The following MACROD2 variants were observed in gnomAD, a reference collection of about 807,000 sequenced individuals.
MACROD2 encodes ADP-ribose glycohydrolase MACROD2.
In MACROD2, 36 loss-of-function variants were observed where a neutral mutation model predicts 70.4. That is an observed-to-expected ratio of 0.51 (90% CI 0.39 to 0.68). The LOEUF (loss-of-function observed/expected upper bound fraction) is 0.68. Ranked by LOEUF, MACROD2 falls within the 30% of genes least tolerant of loss-of-function variation. The pLI is 0.00. For missense variants in MACROD2, 496 were observed against 538.4 expected (o/e 0.92, Z 0.78); for synonymous variants, 172 against 178.8 (o/e 0.96, Z 0.30).
At chr20:14,270,165 T>TTA (rs1319451243) in intron 3 of MACROD2, among the ~76,000 whole-genome samples, 1 of 151,712 alleles carries the variant, frequency 6.6e-6, no homozygotes, top group African/African-American at 2.4e-5. Flanking sequence ...GTATATATAT[T>TTA]AATTTCTCTC....
At chr20:15,273,289 C>G (rs1243601331) in intron 6 of MACROD2, among the ~76,000 whole-genome samples, 1 of 152,122 alleles carries the variant, frequency 6.6e-6, no homozygotes, top group Non-Finnish European at 1.5e-5. Flanking sequence ...CTGGATACTT[C>G]CTGCCCTCAA....
At chr20:15,119,270 T>C (rs1028316729) in intron 5 of MACROD2, among the ~76,000 whole-genome samples, 1 of 152,218 alleles carries the variant, frequency 6.6e-6, no homozygotes, top group Non-Finnish European at 1.5e-5. Flanking sequence ...CTTTATGTTG[T>C]ATCTTTTCCT....
intron 3 of MACROD2, among the ~76,000 whole-genome samples, chr20:14,183,581 C>T (rs1304581693): frequency 1.3e-5 from 2 of 151,982 alleles, no homozygotes; most frequent in East Asian, 3.9e-4. Flanking sequence ...GTAGTTCTGT[C>T]TTTAGGTCTT....
At chr20:14,275,222 T>G (rs886932061) in intron 3 of MACROD2, among the ~76,000 whole-genome samples, 1 of 152,168 alleles carries the variant, frequency 6.6e-6, no homozygotes, top group Non-Finnish European at 1.5e-5. Flanking sequence ...GCTACCTGAC[T>G]TCAAACTATA....
intron 5 of MACROD2, among the ~76,000 whole-genome samples, chr20:15,071,250 T>C (rs962665074): frequency 6.6e-6 from 1 of 152,210 alleles, no homozygotes; most frequent in Non-Finnish European, 1.5e-5. Context: ...TTAAAGCAAG[T>C]TGGAATTCAA....
At chr20:15,580,835 T>C (rs1230013768) in intron 8 of MACROD2, among the ~76,000 whole-genome samples, 1 of 152,094 alleles carries the variant, frequency 6.6e-6, no homozygotes. Flanking sequence ...TTAGATGATT[T>C]GGGGGATTAG....
At chr20:15,353,321 T>C (rs2078248930) in intron 6 of MACROD2, among the ~76,000 whole-genome samples, 1 of 152,184 alleles carries the variant, frequency 6.6e-6, no homozygotes, top group South Asian at 2.1e-4. Context: ...TGAAACTGGA[T>C]CCCTTCCTTA....
chr20:14,483,564 G>A (rs1372788716), intron 3 of MACROD2, among the ~76,000 whole-genome samples: 3 of 151,936 alleles, frequency 2.0e-5, no homozygotes, highest in Admixed American at 6.6e-5. Flanking sequence ...GTGCCGCCAC[G>A]CCTGGCTTAT....
intron 6 of MACROD2, among the ~76,000 whole-genome samples, chr20:15,311,376 C>T (rs1401606594): frequency 6.6e-6 from 1 of 152,142 alleles, no homozygotes; most frequent in Admixed American, 6.5e-5. Context: ...GAATTGCATG[C>T]TGGTATTCAA....
At chr20:15,821,839 A>G (rs930582941) in intron 8 of MACROD2, among the ~76,000 whole-genome samples, 1 of 152,144 alleles carries the variant, frequency 6.6e-6, no homozygotes, top group African/African-American at 2.4e-5. Context: ...TTGGGATCCA[A>G]GGGGGTCTTA....
At chr20:14,010,194 CAT>C (rs1490495339) in intron 2 of MACROD2, among the ~76,000 whole-genome samples, 1 of 152,020 alleles carries the variant, frequency 6.6e-6, no homozygotes, top group African/African-American at 2.4e-5. Flanking sequence ...TATTTTTATA[CAT>C]GTTTATCTGT....
chr20:15,097,764 T>G (rs1466836380), intron 5 of MACROD2, among the ~76,000 whole-genome samples: 1 of 152,160 alleles, frequency 6.6e-6, no homozygotes, highest in Non-Finnish European at 1.5e-5. Flanking sequence ...CATGGAAAGT[T>G]AGGGCAAGGC....
At chr20:15,929,517 G>T (rs1316827654) in intron 10 of MACROD2, among the ~76,000 whole-genome samples, 2 of 152,086 alleles carry the variant, frequency 1.3e-5, no homozygotes. Context: ...CAAAGCACTG[G>T]TTTTGAATTG....
intron 8 of MACROD2, among the ~76,000 whole-genome samples, chr20:15,857,547 C>T (rs910778986): frequency 6.6e-6 from 1 of 152,202 alleles, no homozygotes; most frequent in African/African-American, 2.4e-5. Flanking sequence ...CCAGCTGCTA[C>T]TCCACACCCA....
rs551577640 is a variant in MACROD2, at chr20:15,490,688, C to G, written c.572-9086C>G. 1.5e-4 allele frequency among the ~76,000 whole-genome samples: 23 copies of G among 152,258 alleles called. No homozygotes were observed. The South Asian group carries it at 4.6e-3, about 30-fold the overall frequency. On this transcript the variant is annotated intron_variant, in intron 7 of 17. Coordinates refer to ENST00000684519, the MANE Select transcript of MACROD2 (RefSeq NM_001351661.2). ...AAAAGTTTGAGAGAGAAAGTGGGAC[C>G]AGGGAGCCATCACGAGTGGGGAGGC...
chr20:15,151,507 C>T (rs1219306146), intron 5 of MACROD2, among the ~76,000 whole-genome samples: 2 of 151,904 alleles, frequency 1.3e-5, no homozygotes, highest in Non-Finnish European at 2.9e-5. Flanking sequence ...GGTTTGAGGG[C>T]CGGAATTTAA....
At chr20:15,798,811 G>A (rs1166298727) in intron 8 of MACROD2, among the ~76,000 whole-genome samples, 1 of 152,144 alleles carries the variant, frequency 6.6e-6, no homozygotes, top group Non-Finnish European at 1.5e-5. Flanking sequence ...TGATATGGGA[G>A]GATTTCTGGG....
chr20:15,049,676 G>A (rs769377466), intron 5 of MACROD2, among the ~76,000 whole-genome samples: 2 of 152,090 alleles, frequency 1.3e-5, no homozygotes, highest in Non-Finnish European at 2.9e-5. Context: ...GACCGGGTGC[G>A]TTGGCTCATG....
In MACROD2 at chr20:15,043,269, T is replaced by G. The variant is rs538576303; in HGVS notation, c.419-186671T>G. 1.1e-4 allele frequency among the ~76,000 whole-genome samples: 17 copies of G among 152,362 alleles called. No homozygotes were observed. In the South Asian group the frequency reaches 3.5e-3, roughly 32 times the overall value. On this transcript the variant is annotated intron_variant, in intron 5 of 17. Coordinates refer to ENST00000684519, the MANE Select transcript of MACROD2 (RefSeq NM_001351661.2). Reference sequence around the variant, plus strand: ...TTATTTGAATAATGTAGTTTTCAGATTTCTCTTGAAAAATGGGAAATACTG... The same window carrying G: ...TTATTTGAATAATGTAGTTTTCAGAGTTCTCTTGAAAAATGGGAAATACTG...
Sources: gnomAD v4.1 joint callset for allele counts (sites outside exome capture counted in the v4.1 genomes callset) on GRCh38, gnomAD v4.1.1 for gene constraint, MANE v1.5 for transcripts, NCBI Gene and HGNC (gene_info 2026-07-23, HGNC 2026-07-21) for gene names.